PDE10A: variants seen among roughly 807,000 people sequenced by gnomAD.
PDE10A encodes phosphodiesterase 10A.
A neutral mutation model predicts 97.7 loss-of-function variants in PDE10A; 39 were observed. The ratio of observed to expected loss-of-function variants is 0.40; its 90% CI spans 0.31 to 0.52. PDE10A has a LOEUF of 0.52. Ranked by LOEUF, PDE10A falls within the 20% of genes least tolerant of loss-of-function variation. The probability of loss-of-function intolerance (pLI) is 0.56; values close to 1 mark genes in which losing one functional copy is unlikely to be tolerated. For missense variants in PDE10A, 731 were observed against 1,047.8 expected, an observed-to-expected ratio of 0.70 and a Z score of 4.17; for synonymous variants, 371 against 376.8, an observed-to-expected ratio of 0.98 and a Z score of 0.18.
chr6:165,710,289 A>G lies in PDE10A; in HGVS notation c.-614-166721T>C, dbSNP rs537926816. ...ACTGTATCTTGGTCCTAATTGCATT[A>G]CTAGGACAAAGCTACACATAGCAGG... On this transcript the variant is annotated intron_variant, in intron 1 of 19. Coordinates refer to the PDE10A transcript ENST00000366882. 7.2e-5 allele frequency among the ~76,000 whole-genome samples: 11 copies of G among 152,326 alleles called. No homozygotes were observed. In the South Asian group the frequency reaches 2.1e-3, roughly 29 times the overall value.
intron 1 of PDE10A, among the ~76,000 whole-genome samples, chr6:165,882,804 G>A (rs578085132): frequency 6.6e-6 from 1 of 151,226 alleles, no homozygotes; most frequent in African/African-American, 2.4e-5. Flanking sequence ...CTCTGATCGT[G>A]GCTATGAAAC....
intron 1 of PDE10A, among the ~76,000 whole-genome samples, chr6:165,581,160 G>A (rs1429197604): frequency 1.3e-5 from 2 of 152,136 alleles, no homozygotes; most frequent in Non-Finnish European, 2.9e-5. Flanking sequence ...AAAATATTCA[G>A]GTGTTAATTT....
chr6:165,375,252 CTT>C (rs1252676320), intron 18 of PDE10A, among the ~76,000 whole-genome samples: 3 of 152,160 alleles, frequency 2.0e-5, no homozygotes, highest in Admixed American at 1.3e-4. Context: ...AGCAAGGACT[CTT>C]GGGCCAAACA....
intron 1 of PDE10A, among the ~76,000 whole-genome samples, chr6:165,653,726 C>T (rs1789798819): frequency 6.6e-6 from 1 of 152,308 alleles, no homozygotes; most frequent in South Asian, 2.1e-4. Context: ...CAGATAGAAA[C>T]CAATGAGCAG....
chr6:165,867,875 C>T (rs1008529391), intron 1 of PDE10A, among the ~76,000 whole-genome samples: 1 of 151,930 alleles, frequency 6.6e-6, no homozygotes, highest in Non-Finnish European at 1.5e-5. Context: ...GCAAGAGAAA[C>T]ATTGGAAACT....
At chr6:165,672,436 A>G (rs1790673547) in intron 1 of PDE10A, among the ~76,000 whole-genome samples, 1 of 152,250 alleles carries the variant, frequency 6.6e-6, no homozygotes, top group African/African-American at 2.4e-5. Context: ...AAAGTGTTCA[A>G]TATCTCATGT....
At chr6:165,889,657 A>G (rs1178395032) in intron 1 of PDE10A, among the ~76,000 whole-genome samples, 2 of 152,078 alleles carry the variant, frequency 1.3e-5, no homozygotes. Context: ...AAAAATACCA[A>G]TCTCAGAAAT....
chr6:165,722,853 TTAAA>T (rs1325968748), intron 1 of PDE10A, among the ~76,000 whole-genome samples: 1 of 150,568 alleles, frequency 6.6e-6, no homozygotes, highest in Non-Finnish European at 1.5e-5. Context: ...TTATAAATCC[TTAAA>T]TAAAATTTGT....
At chr6:165,460,516 T>C (rs1312754325) in intron 3 of PDE10A, among the ~76,000 whole-genome samples, 1 of 152,184 alleles carries the variant, frequency 6.6e-6, no homozygotes, top group African/African-American at 2.4e-5. Flanking sequence ...GTGAAATAAC[T>C]ATTCAGGGAA....
chr6:165,686,854 C>T (rs774547882), intron 1 of PDE10A, among the ~76,000 whole-genome samples: 1 of 152,214 alleles, frequency 6.6e-6, no homozygotes, highest in Non-Finnish European at 1.5e-5. Flanking sequence ...CTGGCTCTTA[C>T]CTAAACGTGT....
At chr6:165,457,660 A>G (rs113096456) in intron 3 of PDE10A, among the ~76,000 whole-genome samples, 21 of 152,234 alleles carry the variant, frequency 1.4e-4, no homozygotes, top group African/African-American at 4.8e-4. Flanking sequence ...ACTCTTGTAC[A>G]TTTGCTGTGG....
At position 165,440,318 on chromosome 6, in the gene PDE10A, TG is replaced by T. The variant is rs1790346999; in HGVS notation, c.1195-4942del. 2.9e-5 allele frequency among the ~76,000 whole-genome samples: 3 copies of T among 104,290 alleles called. No individual in the cohort carries two copies. In the Admixed American group the frequency reaches 3.7e-4, roughly 13 times the overall value. 68.4% of individuals were successfully genotyped at this position (104,290 alleles called of 152,430 possible). A position where few individuals can be genotyped will look rare whatever the true frequency, so the allele number is the denominator to read the frequency against. ...GATATGAAGAATGCAGTATTTCTGG[TG>T]AATGTTTAATGTATACATACTGAAG... On this transcript the variant is annotated intron_variant, in intron 5 of 21. Transcript: ENST00000539869.
intron 1 of PDE10A, among the ~76,000 whole-genome samples, chr6:165,688,444 G>A (rs145830331): frequency 3.2e-4 from 48 of 152,286 alleles, no homozygotes; most frequent in African/African-American, 1.1e-3. Context: ...GAAGCCTCAG[G>A]GTATGTAGTG....
At chr6:165,637,140 T>A (rs1788915377) in intron 1 of PDE10A, among the ~76,000 whole-genome samples, 2 of 152,276 alleles carry the variant, frequency 1.3e-5, no homozygotes, top group Admixed American at 1.3e-4. Flanking sequence ...AAAAGGATAG[T>A]TATGCAATAA....
chr6:165,454,411 T>C (rs953544424), intron 3 of PDE10A, among the ~76,000 whole-genome samples: 4 of 152,166 alleles, frequency 2.6e-5, no homozygotes, highest in Admixed American at 1.3e-4. Context: ...CTCCCAAAGT[T>C]TGCGTTAAAA....
chr6:165,727,271 C>T (rs571900196), intron 1 of PDE10A, among the ~76,000 whole-genome samples: 1 of 152,282 alleles, frequency 6.6e-6, no homozygotes, highest in South Asian at 2.1e-4. Flanking sequence ...CGTATAAAGA[C>T]GGGCGCCAGA....
intron 1 of PDE10A, among the ~76,000 whole-genome samples, chr6:165,825,153 AAAAAAAAAAGAAAAAG>A (rs1779695905): frequency 1.9e-5 from 2 of 104,696 alleles, no homozygotes; most frequent in Admixed American, 1.2e-4. Context: ...CTCAAAAAAA[AAAAAAAAAAGAAAAAG>A]AAAAAAAAAG....
At chr6:165,769,530 A>G (rs1777948698) in intron 1 of PDE10A, among the ~76,000 whole-genome samples, 5 of 152,196 alleles carry the variant, frequency 3.3e-5, no homozygotes, top group Admixed American at 2.6e-4. Flanking sequence ...TGCCAAAGAA[A>G]AGAATGTATG....
chr6:165,456,662 G>A (rs1777971528), intron 3 of PDE10A, among the ~76,000 whole-genome samples: 2 of 152,196 alleles, frequency 1.3e-5, no homozygotes, highest in Non-Finnish European at 2.9e-5. Flanking sequence ...TAAGAAGGCT[G>A]AATTATACTG....
Sources: allele counts gnomAD v4.1 joint callset (sites outside exome capture counted in the v4.1 genomes callset), GRCh38; gene constraint gnomAD v4.1.1; transcripts MANE v1.5; gene names NCBI Gene and HGNC (gene_info 2026-07-23, HGNC 2026-07-21).